The following OTOG variants were observed in gnomAD, a reference collection of about 807,000 sequenced individuals.
OTOG encodes the protein otogelin.
Under a neutral mutation model 313.8 loss-of-function variants are expected in OTOG, and 296 were observed. The observed-to-expected ratio is 0.94, with a 90% CI of 0.86 to 1.04. The LOEUF is 1.04. Among genes scored for constraint, OTOG ranks in the 50% least tolerant of loss-of-function variants. OTOG has a pLI of 0.00. For missense variants in OTOG, 3,948 were observed against 3,840.1 expected (o/e 1.03, Z -0.74); for synonymous variants, 1,533 against 1,554.9 (o/e 0.99, Z 0.33).
At chr11:17,638,627 T>C in intron 48 of OTOG, 78 bp downstream of exon 48, 1 of 1,499,638 alleles carries the variant, frequency 6.7e-7, no homozygotes. Context: ...GAGCCCGGCC[T>C]ACCACCGTCC....
In OTOG at chr11:17,581,100, A is replaced by C. The variant is rs939210285; in HGVS notation, c.2759+2574A>C. Among the ~76,000 whole-genome samples, 27 of 152,202 alleles carry C rather than the reference A, an allele frequency of 1.8e-4. 1 individual carries two copies. Among genetic ancestry groups the C allele is most frequent in the African/African-American group, 6.3e-4 (26 of 41,446 alleles). On this transcript the variant is annotated intron_variant, in intron 23 of 55. Coordinates refer to ENST00000399397, the MANE Select transcript of OTOG (RefSeq NM_001292063.2). ...AAATAGTACATGCATTTTGGAAAAT[A>C]GTTTGGCAGTTTCTTATATAAACAT...
chr11:17,640,861 G>A (rs1368593790), intron 50 of OTOG, 41 bp downstream of exon 50: 2 of 1,549,864 alleles, frequency 1.3e-6, no homozygotes, highest in Non-Finnish European at 8.7e-7. Flanking sequence ...TGCAGGAGGG[G>A]CATGGGTGCC....
At position 17,605,896 on chromosome 11, in the gene OTOG, A is replaced by T. The variant is rs1415271197; in HGVS notation, c.3917A>T (p.Asn1306Ile). ...TCCCTGGAGGCAGCAGACAGACCCA[A>T]CTTCTTCCTTCACGTCACAGCCAAC... is the stretch of plus-strand genomic sequence containing the variant. ...VVSLEAADRP[N>I]FFLHVTANGS... The change falls in exon 33 of 56, where the codon AAC becomes ATC. Residue 1306 changes from asparagine (N) to isoleucine (I), a missense_variant. Physicochemically the swap from Asn to Ile is moderately radical, Grantham distance 149. Coordinates refer to ENST00000399397, the MANE Select transcript of OTOG (RefSeq NM_001292063.2). 2 of 1,549,954 alleles carry T rather than the reference A, an allele frequency of 1.3e-6. No individual in the cohort carries two copies. The highest frequency in any genetic ancestry group is 8.7e-7 in the Non-Finnish European group (1 of 1,146,586).
At chr11:17,641,430 T>C (rs1322864760) in intron 51 of OTOG, among the ~76,000 whole-genome samples, 1 of 152,208 alleles carries the variant, frequency 6.6e-6, no homozygotes, top group Admixed American at 6.5e-5. Context: ...TCATGCCTAG[T>C]ACTTAGGATG....
rs559781196 is a variant in OTOG at position 17,609,322 on chromosome 11, G to A, written c.4354+113G>A. The A allele has an allele frequency of 6.1e-6, 6 of 975,720 alleles. No homozygotes were observed. The East Asian group carries it at 1.3e-4, about 21-fold the overall frequency. 60.4% of individuals were successfully genotyped at this position (975,720 alleles called of 1,614,324 possible). ...GTCCCAGAGAAGCAAGATCAGCACA[G>A]GGACCTTTGGAAAGAGGCACAGGCA... is the stretch of plus-strand genomic sequence containing the variant. On this transcript the variant is annotated intron_variant, in intron 35 of 55. Transcript: ENST00000399397.
Position 17,634,185 on chromosome 11 carries a change from G to A in OTOG, c.7384G>A (p.Gly2462Ser). Residue 2462 changes from glycine to serine, a missense_variant, in exon 44 of 56, where the codon GGC becomes AGC. By Grantham distance (56) the Gly-to-Ser change is moderately conservative. Coordinates refer to ENST00000399397, the MANE Select transcript of OTOG (RefSeq NM_001292063.2). ...AGACACCATTGTCCCGGTGGATCTGGGCTGCCCCAGTCCCCGCCCTGAGAG... is the reference window on the plus strand; with the variant it reads ...AGACACCATTGTCCCGGTGGATCTGAGCTGCCCCAGTCCCCGCCCTGAGAG... ...APDTIVPVDL[G>S]CPSPRPESCL... The A allele has an allele frequency of 6.5e-7, 1 of 1,550,354 alleles. No individual in the cohort carries two copies. Among genetic ancestry groups the A allele is most frequent in the Non-Finnish European group, 8.7e-7 (1 of 1,146,968 alleles).
At chr11:17,550,367 T>G (rs1851907025) in intron 3 of OTOG, among the ~76,000 whole-genome samples, 2 of 152,256 alleles carry the variant, frequency 1.3e-5, no homozygotes, top group Non-Finnish European at 2.9e-5. Flanking sequence ...ATAAGTGATT[T>G]CCTTTGTAAC....
intron 16 of OTOG, 73 bp downstream of exon 16, chr11:17,569,361 C>G: frequency 6.5e-7 from 1 of 1,528,652 alleles, no homozygotes; most frequent in Non-Finnish European, 8.9e-7. Context: ...GATCCTCTGG[C>G]TAAAAGCACT....
rs113334693 is a variant in OTOG at position 17,628,972 on chromosome 11, T to A, written c.6529-161T>A. Among the ~76,000 whole-genome samples, 375 of 152,378 alleles carry A rather than the reference T, an allele frequency of 2.5e-3. 1 individual carries two copies. Among genetic ancestry groups the A allele is most frequent in the African/African-American group, 8.4e-3 (350 of 41,594 alleles). On this transcript the variant is annotated intron_variant, in intron 39 of 55. Coordinates refer to ENST00000399397, the MANE Select transcript of OTOG (RefSeq NM_001292063.2). ...CACTTTCGACGGTGATTTGGCTGCA[T>A]GTGCCTGAAACAGAGCCTGGCACAT...
At chr11:17,575,364 CAAGTAAGGCA>C (rs1359627461) in intron 20 of OTOG, among the ~76,000 whole-genome samples, 2 of 152,190 alleles carry the variant, frequency 1.3e-5, no homozygotes, top group Non-Finnish European at 2.9e-5. Context: ...GCTGTTGAGC[CAAGTAAGGCA>C]GAGTGAGAGC....
intron 28 of OTOG, among the ~76,000 whole-genome samples, chr11:17,594,904 G>T (rs1321975722): frequency 1.3e-5 from 2 of 152,184 alleles, no homozygotes; most frequent in Non-Finnish European, 2.9e-5. Context: ...CAGACTGCTT[G>T]GGAGCTATGT....
At chr11:17,618,705 T>G (rs530143347) in intron 39 of OTOG, among the ~76,000 whole-genome samples, 1 of 152,376 alleles carries the variant, frequency 6.6e-6, no homozygotes, top group East Asian at 1.9e-4. Context: ...TATCAGTTTT[T>G]TTATTCACAT....
chr11:17,636,429 A>C (rs2133712198), intron 47 of OTOG, among the ~76,000 whole-genome samples: 1 of 152,292 alleles, frequency 6.6e-6, no homozygotes, highest in African/African-American at 2.4e-5. Flanking sequence ...TTGCACACTG[A>C]TAATAGGAGA....
intron 19 of OTOG, 56 bp from the exon 20 acceptor site, chr11:17,574,664 C>A: frequency 1.3e-6 from 2 of 1,486,206 alleles, no homozygotes; most frequent in South Asian, 1.3e-5. Flanking sequence ...AGCCCCACTC[C>A]ACATAACTGT....
At chr11:17,570,531 T>A in intron 17 of OTOG, 141 bp downstream of exon 17, 1 of 789,080 alleles carries the variant, frequency 1.3e-6, no homozygotes. Flanking sequence ...TTTCTCTACA[T>A]TTAAATTTAA....
rs1230292913 is a variant in OTOG, at chr11:17,610,124, C to T, written c.4824C>T (p.Pro1608=). ...SPNITVSSRS[P]PAPRFPLMTK... is the part of the protein sequence containing the mutation. ...ACATCACAGTCTCCTCCCGGTCGCC[C>T]CCTGCCCCTCGCTTCCCGCTCATGA... The change falls in exon 36 of 56, where the codon CCC becomes CCT. Residue 1608 remains proline (P), a synonymous_variant. Coordinates refer to ENST00000399397, the MANE Select transcript of OTOG (RefSeq NM_001292063.2). The T allele has an allele frequency of 1.3e-6, 2 of 1,550,526 alleles. No homozygotes were observed. The highest frequency in any genetic ancestry group is 1.7e-6 in the Non-Finnish European group (2 of 1,146,992).
At chr11:17,560,931 T>G (rs1397532829) in intron 13 of OTOG, 114 bp downstream of exon 13, 1 of 1,182,728 alleles carries the variant, frequency 8.5e-7, no homozygotes, top group African/African-American at 1.5e-5. Context: ...CTCAGTACCT[T>G]TGAGTCCCAG....
intron 4 of OTOG, among the ~76,000 whole-genome samples, chr11:17,552,615 T>TGTGTCCCCCACCTGTCCTGTGTCCCCCC (rs1454853324): frequency 6.6e-6 from 1 of 150,930 alleles, no homozygotes; most frequent in Non-Finnish European, 1.5e-5. Flanking sequence ...CCACCTGTCC[T>TGTGTCCCCCACCTGTCCTGTGTCCCCCC]CTCACATCAT....
rs749267915 is a variant in OTOG, at chr11:17,558,285, G to C, written c.966G>C (p.Pro322=). The stretch of plus-strand genomic sequence containing the variant: ...CAACTTCCTCCCTGCCTCGCCCACC[G>C]TGCCTACAGCAGAACCCAGGAACCA... ...GPTTSSLPRP[P]CLQQNPGTMQ... Residue 322 remains proline, a synonymous_variant, in exon 9 of 56, where the codon CCG becomes CCC. Coordinates refer to ENST00000399397, the MANE Select transcript of OTOG (RefSeq NM_001292063.2). The C allele has an allele frequency of 1.9e-6, 3 of 1,550,790 alleles. No homozygotes were observed. The East Asian group carries it at 7.3e-5, about 38-fold the overall frequency.
Sources: allele counts gnomAD v4.1 joint callset (sites outside exome capture counted in the v4.1 genomes callset), GRCh38; gene constraint gnomAD v4.1.1; transcripts MANE v1.5; gene names NCBI Gene and HGNC (gene_info 2026-07-23, HGNC 2026-07-21).